EYS: variants seen among roughly 807,000 people sequenced by gnomAD.
The protein encoded by EYS is EGF-like photoreceptor maintenance factor.
A neutral mutation model predicts 282.1 loss-of-function variants in EYS; 250 were observed. The observed-to-expected ratio is 0.89, with a 90% CI of 0.80 to 0.98. The LOEUF (loss-of-function observed/expected upper bound fraction) is 0.98. Among genes scored for constraint, EYS ranks in the 50% least tolerant of loss-of-function variants. EYS has a pLI of 0.00. For missense variants in EYS, 4,016 were observed against 3,709.0 expected, an observed-to-expected ratio of 1.08 and a Z score of -2.15; for synonymous variants, 1,355 against 1,282.9, an observed-to-expected ratio of 1.06 and a Z score of -1.20.
In EYS at chr6:64,507,807, C is replaced by T. The variant is rs1344414583; in HGVS notation, c.5645-68455G>A. Among the ~76,000 whole-genome samples, 6 of 152,266 alleles carry T rather than the reference C, an allele frequency of 3.9e-5. No individual in the cohort carries two copies. In the East Asian group the frequency reaches 7.7e-4, roughly 20 times the overall value. On this transcript the variant is annotated intron_variant, in intron 26 of 42. Coordinates refer to ENST00000503581, the MANE Select transcript of EYS (RefSeq NM_001142800.2). ...AGGAATTCTCTTAGGGTTTGGCTTC[C>T]ATGACAATAAGCTCTCTTTGTTTAG...
intron 13 of EYS, among the ~76,000 whole-genome samples, chr6:65,031,076 C>G (rs1482916019): frequency 6.6e-6 from 1 of 150,788 alleles, no homozygotes; most frequent in Non-Finnish European, 1.5e-5. Flanking sequence ...TAGGTCAATT[C>G]AACAAGAAGA....
chr6:64,944,777 T>A (rs1769218598), intron 15 of EYS, among the ~76,000 whole-genome samples: 1 of 152,108 alleles, frequency 6.6e-6, no homozygotes, highest in African/African-American at 2.4e-5. Flanking sequence ...TGTTCAATTC[T>A]GAGATCAGAG....
intron 13 of EYS, among the ~76,000 whole-genome samples, chr6:65,051,160 A>C (rs1161770907): frequency 1.3e-5 from 2 of 151,550 alleles, no homozygotes; most frequent in Non-Finnish European, 3.0e-5. Context: ...ACAAAGCCTT[A>C]TCTTTTTTGC....
chr6:64,294,852 A>C (rs1438056162), intron 30 of EYS, among the ~76,000 whole-genome samples: 2 of 152,196 alleles, frequency 1.3e-5, no homozygotes, highest in African/African-American at 4.8e-5. Context: ...TAAGTTATGA[A>C]TTACATGCCT....
intron 12 of EYS, 65 bp downstream of exon 12, chr6:65,295,798 C>T (rs1768644448): frequency 3.1e-6 from 4 of 1,299,660 alleles, no homozygotes. Flanking sequence ...TGAGATATAT[C>T]AAATAAATAT....
chr6:63,748,215 C>T (rs1769257665), intron 41 of EYS, among the ~76,000 whole-genome samples: 1 of 152,088 alleles, frequency 6.6e-6, no homozygotes, highest in South Asian at 2.1e-4. Context: ...GTTGATTATA[C>T]TACAAGACTA....
intron 29 of EYS, among the ~76,000 whole-genome samples, chr6:64,363,514 CATT>C (rs1465708969): frequency 2.0e-5 from 3 of 151,868 alleles, no homozygotes; most frequent in African/African-American, 4.8e-5. Context: ...ATATTTCTGA[CATT>C]AGTTTAATTT....
intron 35 of EYS, among the ~76,000 whole-genome samples, chr6:63,940,718 T>C (rs1403502670): frequency 6.6e-6 from 1 of 151,960 alleles, no homozygotes; most frequent in Non-Finnish European, 1.5e-5. Context: ...ACTTCTAGGG[T>C]ACATGTGTAC....
At chr6:64,403,757 C>T (rs1455165409) in intron 28 of EYS, among the ~76,000 whole-genome samples, 2 of 152,122 alleles carry the variant, frequency 1.3e-5, no homozygotes, top group Non-Finnish European at 2.9e-5. Flanking sequence ...TCCAAGCCTT[C>T]CTCAGATCAG....
In EYS at chr6:65,112,994, A is replaced by G. The variant is rs564050669; in HGVS notation, c.2024-55267T>C. ...ACACCTTCTAAATTGGTGAAAATGA[A>G]TTGCGATAGCATGCAGTATTAATAT... On this transcript the variant is annotated intron_variant, in intron 12 of 42. Coordinates refer to ENST00000503581, the MANE Select transcript of EYS (RefSeq NM_001142800.2). Among the ~76,000 whole-genome samples, 179 of 152,214 alleles carry G rather than the reference A, an allele frequency of 1.2e-3. 2 individuals carry two copies. The South Asian group carries it at 0.017, about 15-fold the overall frequency.
intron 37 of EYS, among the ~76,000 whole-genome samples, chr6:63,801,466 T>A (rs1336572858): frequency 1.3e-5 from 2 of 152,084 alleles, no homozygotes; most frequent in African/African-American, 4.8e-5. Flanking sequence ...AAAATTGAGA[T>A]GATTCCTGGG....
At chr6:65,467,152 G>C (rs1385594637) in intron 5 of EYS, among the ~76,000 whole-genome samples, 2 of 152,024 alleles carry the variant, frequency 1.3e-5, no homozygotes, top group Admixed American at 6.6e-5. Flanking sequence ...TTTTAATGTG[G>C]TACCAGCTGG....
chr6:65,222,345 T>A (rs1766488733), intron 12 of EYS, among the ~76,000 whole-genome samples: 1 of 152,170 alleles, frequency 6.6e-6, no homozygotes, highest in South Asian at 2.1e-4. Context: ...GGTGGGATTT[T>A]CCGCTGTCCT....
chr6:64,997,423 A>G (rs1342396520), intron 14 of EYS, among the ~76,000 whole-genome samples, 159 bp downstream of exon 14: 1 of 152,216 alleles, frequency 6.6e-6, no homozygotes, highest in East Asian at 1.9e-4. Flanking sequence ...AAGTTAAAAA[A>G]AAAAAGTTGC....
At chr6:64,815,424 G>A (rs1206854499) in intron 21 of EYS, among the ~76,000 whole-genome samples, 1 of 151,940 alleles carries the variant, frequency 6.6e-6, no homozygotes, top group African/African-American at 2.4e-5. Flanking sequence ...TATCTCCCAT[G>A]GGAAAATAGG....
intron 19 of EYS, among the ~76,000 whole-genome samples, chr6:64,848,185 C>T (rs9453089): frequency 0.56 from 84,538 of 151,762 alleles, 24,269 homozygotes; most frequent in Non-Finnish European, 0.62. Flanking sequence ...ATTTTGATTA[C>T]GACAGCTTTC....
At chr6:64,896,718 C>T (rs774647487) in intron 18 of EYS, among the ~76,000 whole-genome samples, 48 of 152,064 alleles carry the variant, frequency 3.2e-4, no homozygotes, top group Admixed American at 1.4e-3. Context: ...TTCTCACTGC[C>T]ACCACAACAG....
chr6:63,761,501 G>A (rs1769641155), intron 41 of EYS, among the ~76,000 whole-genome samples: 1 of 151,978 alleles, frequency 6.6e-6, no homozygotes, highest in African/African-American at 2.4e-5. Flanking sequence ...AAGGAATATA[G>A]GAATAAAATG....
intron 13 of EYS, among the ~76,000 whole-genome samples, chr6:65,025,320 A>T (rs1772374538): frequency 6.6e-6 from 1 of 152,168 alleles, no homozygotes; most frequent in African/African-American, 2.4e-5. Flanking sequence ...AAAACAATAC[A>T]GCAAAATGCA....
Sources: gnomAD v4.1 joint callset for allele counts (sites outside exome capture counted in the v4.1 genomes callset) on GRCh38, gnomAD v4.1.1 for gene constraint, MANE v1.5 for transcripts, NCBI Gene and HGNC (gene_info 2026-07-23, HGNC 2026-07-21) for gene names.